The following SANBR variants were observed in gnomAD, a reference collection of about 807,000 sequenced individuals.
The protein encoded by SANBR is SANT and BTB domain regulator of CSR.
Under a neutral mutation model 101.8 loss-of-function variants are expected in SANBR, and 77 were observed. The observed-to-expected ratio is 0.76, with a 90% CI of 0.63 to 0.91. SANBR has a LOEUF of 0.91. Among genes scored for constraint, SANBR ranks in the 40% least tolerant of loss-of-function variants. SANBR has a pLI of 0.00. For synonymous variants in SANBR, 279 were observed against 274.7 expected, an observed-to-expected ratio of 1.02 and a Z score of -0.15; for missense variants, 875 against 853.0, an observed-to-expected ratio of 1.03 and a Z score of -0.32.
Position 61,088,168 on chromosome 2 carries a change from T to A in SANBR, c.900T>A (p.Phe300Leu). The change falls in exon 9 of 22, where the codon TTT (phenylalanine) becomes TTA (leucine). Residue 300 changes from phenylalanine to leucine, a missense_variant. Transcript: ENST00000402291. ...CATTTGTTGTTAATAGCAAACTTTTTTGTAAGAAGATTGAAAGACTGTTTG... is the reference window on the plus strand; with the variant it reads ...CATTTGTTGTTAATAGCAAACTTTTATGTAAGAAGATTGAAAGACTGTTTG... Reference protein sequence around the residue: ...DKKDKFKSKLFCKKIERLFDP... With the variant: ...DKKDKFKSKLLCKKIERLFDP... 1 of 1,598,976 alleles carries A rather than the reference T, an allele frequency of 6.3e-7. No homozygotes were observed. Among genetic ancestry groups the A allele is most frequent in the South Asian group, 1.1e-5 (1 of 87,470 alleles).
chr2:61,130,869 G>A lies in SANBR; in HGVS notation c.2029-3268G>A, dbSNP rs1160125116. Among the ~76,000 whole-genome samples, 5 of 131,278 alleles carry A rather than the reference G, an allele frequency of 3.8e-5. No individual in the cohort carries two copies. In the South Asian group the frequency reaches 7.4e-4, roughly 19 times the overall value. 86.1% of individuals were successfully genotyped at this position (131,278 alleles called of 152,430 possible). On this transcript the variant is annotated intron_variant, in intron 20 of 21. Coordinates refer to the SANBR transcript ENST00000295031. ...TGCCTGAACTTGGGAAGTGGAGGTT[G>A]CAGTGAGCCGAGATCACACCATTGC...
chr2:61,111,901 G>GC (rs1683845614), intron 16 of SANBR, among the ~76,000 whole-genome samples: 1 of 152,110 alleles, frequency 6.6e-6, no homozygotes, highest in Non-Finnish European at 1.5e-5. Flanking sequence ...TTATTGCAGA[G>GC]TAGTATTCCA....
At chr2:61,097,031 G>A (rs1683065202) in intron 11 of SANBR, among the ~76,000 whole-genome samples, 1 of 152,130 alleles carries the variant, frequency 6.6e-6, no homozygotes, top group Admixed American at 6.6e-5. Context: ...GTGCGCGCCT[G>A]TAATCCCAGC....
intron 20 of SANBR, among the ~76,000 whole-genome samples, chr2:61,120,708 G>C (rs187849258): frequency 6.6e-6 from 1 of 152,308 alleles, no homozygotes; most frequent in East Asian, 1.9e-4. Context: ...CTGGCTGACA[G>C]AGTGAGATGC....
intron 1 of SANBR, among the ~76,000 whole-genome samples, chr2:61,067,963 T>A (rs553259831): frequency 1.3e-5 from 2 of 152,308 alleles, no homozygotes; most frequent in South Asian, 4.1e-4. Flanking sequence ...TTTAAATGAG[T>A]TGTGGACCTG....
intron 20 of SANBR, among the ~76,000 whole-genome samples, chr2:61,133,580 C>A (rs1451622261): frequency 1.3e-5 from 2 of 152,066 alleles, no homozygotes; most frequent in African/African-American, 2.4e-5. Context: ...TACCGAGACC[C>A]TATCTCTACA....
downstream of SANBR, among the ~76,000 whole-genome samples, chr2:61,124,937 A>C (rs141153542): frequency 4.5e-3 from 680 of 151,276 alleles, no homozygotes; most frequent in Non-Finnish European, 5.0e-3. Context: ...AAGGCACGTT[A>C]TAATATAAAA....
chr2:61,109,867 G>C (rs1357753331), intron 16 of SANBR, among the ~76,000 whole-genome samples: 5 of 151,708 alleles, frequency 3.3e-5, no homozygotes, highest in African/African-American at 1.2e-4. Context: ...TGATCAGGCT[G>C]GTCTTGAACT....
At chr2:61,130,929 CAAAAA>C (rs59171411) in intron 20 of SANBR, among the ~76,000 whole-genome samples, 6 of 13,220 alleles carry the variant, frequency 4.5e-4, no homozygotes, top group Non-Finnish European at 7.1e-4. Flanking sequence ...GACTCTGTCT[CAAAAA>C]AAAAAAAAAA....
intron 1 of SANBR, among the ~76,000 whole-genome samples, chr2:61,066,767 C>T (rs1472627277): frequency 6.6e-6 from 1 of 152,086 alleles, no homozygotes; most frequent in Non-Finnish European, 1.5e-5. Context: ...TTGTAGACCT[C>T]TATCTGGTGT....
chr2:61,117,071 AT>A (rs11432540), intron 17 of SANBR: 16 of 407,614 alleles, frequency 3.9e-5, no homozygotes, highest in Non-Finnish European at 5.8e-5. Flanking sequence ...AAAAAAAAAA[AT>A]TGCATAAGCT....
Position 61,081,380 on chromosome 2 carries a change from G to T in SANBR, c.671-72G>T, listed in dbSNP as rs539664433. 1.5e-4 allele frequency: 208 copies of T among 1,412,350 alleles called. 2 individuals are homozygous for T. The South Asian group carries it at 2.7e-3, about 18-fold the overall frequency. 87.5% of individuals were successfully genotyped at this position (1,412,350 alleles called of 1,614,324 possible). A position where few individuals can be genotyped will look rare whatever the true frequency, so the allele number is the denominator to read the frequency against. On this transcript the variant is annotated intron_variant, in intron 6 of 21. Coordinates refer to ENST00000402291, the MANE Select transcript of SANBR (RefSeq NM_001129993.3). The stretch of plus-strand genomic sequence containing the variant: ...TATTCCAGTAATGTCCTCTTTTAAG[G>T]TAAGAAGGAGCCTGTTCAGAGGAGA...
At chr2:61,098,109 G>T (rs1368959235) in intron 12 of SANBR, among the ~76,000 whole-genome samples, 4 of 128,094 alleles carry the variant, frequency 3.1e-5, no homozygotes, top group Admixed American at 7.9e-5. Flanking sequence ...TTGTTTTTTT[G>T]TTTTTTTTTT....
At chr2:61,100,218 C>T (rs1330279448) in intron 12 of SANBR, among the ~76,000 whole-genome samples, 5 of 152,158 alleles carry the variant, frequency 3.3e-5, no homozygotes, top group Admixed American at 6.5e-5. Context: ...GATTCTCCTG[C>T]GTCAGCCTCC....
Position 61,097,841 on chromosome 2 carries a change from C to T in SANBR, c.1354C>T (p.Gln452Ter). 2 of 1,611,820 alleles carry T rather than the reference C, an allele frequency of 1.2e-6. No individual in the cohort carries two copies. The highest frequency in any genetic ancestry group is 8.5e-7 in the Non-Finnish European group (1 of 1,178,784). ...NQKVLRFDPT[Q>*]LTKGCKVRDH... ...AAAGGTTCTTCGGTTTGATCCTACT[C>T]AGCTTACAAAGGTGAATTTTGAATA... The change falls in exon 12 of 22, where the codon CAG becomes TAG. Residue 452 changes from glutamine (Q) to a stop codon, truncating the protein, a stop_gained. Coordinates refer to ENST00000402291, the MANE Select transcript of SANBR (RefSeq NM_001129993.3). LOFTEE classifies it high-confidence loss of function.
chr2:61,125,978 GCTT>G (rs1461332537), downstream of SANBR, among the ~76,000 whole-genome samples: 2 of 152,168 alleles, frequency 1.3e-5, no homozygotes, highest in Non-Finnish European at 2.9e-5. Context: ...CTCACTGGCA[GCTT>G]CTTCAGACTG....
At position 61,123,202 on chromosome 2, in the gene SANBR, T is replaced by A; in HGVS notation, c.*1040T>A. ...TAATAAATTATGTGTTTGTAAATTA[T>A]ATGTAGGTCTCTGAAAAACTTTAAG... On this transcript the variant is annotated 3_prime_UTR_variant, in exon 22 of 22. Transcript: ENST00000402291. 1.0e-6 allele frequency: 1 copy of A among 976,762 alleles called. No individual in the cohort carries two copies. The allele number at this position is 976,762 out of a possible 1,614,324, so 60.5% of individuals were successfully genotyped here.
intron 21 of SANBR, 119 bp from the exon 22 acceptor site, chr2:61,122,007 G>T: frequency 7.6e-7 from 1 of 1,315,516 alleles, no homozygotes; most frequent in Non-Finnish European, 1.0e-6. Context: ...AATGGATTAC[G>T]GAGCTGCAAG....
chr2:61,088,334 T>A, intron 9 of SANBR, 24 bp from the exon 10 acceptor site: 1 of 1,573,386 alleles, frequency 6.4e-7, no homozygotes, highest in Non-Finnish European at 8.6e-7. Context: ...TCCTGGATGT[T>A]TTTTGTATCT....
Sources: allele counts gnomAD v4.1 joint callset (sites outside exome capture counted in the v4.1 genomes callset), GRCh38; gene constraint gnomAD v4.1.1; transcripts MANE v1.5; gene names NCBI Gene and HGNC (gene_info 2026-07-23, HGNC 2026-07-21).